WDFY2: variants seen among roughly 807,000 people sequenced by gnomAD.
The protein encoded by WDFY2 is WD repeat and FYVE domain containing 2.
In WDFY2, 36 loss-of-function variants were observed where a neutral mutation model predicts 56.4. That is an observed-to-expected ratio of 0.64 (90% CI 0.49 to 0.84). The LOEUF (loss-of-function observed/expected upper bound fraction) is 0.84. Among genes scored for constraint, WDFY2 ranks in the 40% least tolerant of loss-of-function variants. The pLI, the probability that WDFY2 is intolerant of heterozygous loss-of-function variation, is 0.00. For synonymous variants in WDFY2, 176 were observed against 183.7 expected (o/e 0.96, Z 0.34); for missense variants, 444 against 512.2 (o/e 0.87, Z 1.29).
At chr13:51,724,231 C>CTTT (rs529903671) in intron 5 of WDFY2, among the ~76,000 whole-genome samples, 205 of 107,984 alleles carry the variant, frequency 1.9e-3, no homozygotes, top group Non-Finnish European at 2.5e-3. Context: ...TCTTTTTTAA[C>CTTT]TTTTTTTTTT....
intron 6 of WDFY2, 55 bp downstream of exon 6, chr13:51,727,845 C>T (rs545262673): frequency 6.7e-6 from 10 of 1,503,152 alleles, no homozygotes; most frequent in Non-Finnish European, 9.2e-6. Flanking sequence ...ATATCGCCTG[C>T]TGCATCTCCT....
intron 5 of WDFY2, among the ~76,000 whole-genome samples, chr13:51,720,569 C>T (rs1447518680): frequency 6.6e-6 from 1 of 152,212 alleles, no homozygotes; most frequent in Non-Finnish European, 1.5e-5. Context: ...AGTGTTAGAG[C>T]TGGAAGCACT....
chr13:51,628,476 G>C (rs767529956), intron 1 of WDFY2, among the ~76,000 whole-genome samples: 2 of 152,210 alleles, frequency 1.3e-5, no homozygotes, highest in African/African-American at 4.8e-5. Context: ...AGGGATGCTC[G>C]TGTCTGGAGC....
intron 1 of WDFY2, among the ~76,000 whole-genome samples, chr13:51,624,873 G>GGA (rs1954811245): frequency 1.3e-5 from 2 of 152,346 alleles, no homozygotes; most frequent in South Asian, 4.1e-4. Flanking sequence ...TTTTCAGCAG[G>GGA]CCAGTGTGTC....
chr13:51,680,201 A>C (rs1187736988), intron 3 of WDFY2, among the ~76,000 whole-genome samples: 1 of 152,204 alleles, frequency 6.6e-6, no homozygotes, highest in East Asian at 1.9e-4. Flanking sequence ...ACCTGGGCTC[A>C]AGTGATCCGC....
At chr13:51,609,552 A>G (rs187473653) in intron 1 of WDFY2, among the ~76,000 whole-genome samples, 8 of 151,936 alleles carry the variant, frequency 5.3e-5, no homozygotes, top group Non-Finnish European at 8.8e-5. Flanking sequence ...CCTGTATTTA[A>G]GGCATCAAAA....
intron 8 of WDFY2, 91 bp from the exon 9 acceptor site, chr13:51,755,267 C>A (rs1278023920): frequency 2.5e-6 from 3 of 1,207,642 alleles, no homozygotes; most frequent in Non-Finnish European, 3.6e-6. Flanking sequence ...TTAAACACAT[C>A]CTGATAGCTC....
intron 2 of WDFY2, among the ~76,000 whole-genome samples, chr13:51,670,822 T>C (rs1178645574): frequency 6.6e-6 from 1 of 152,134 alleles, no homozygotes; most frequent in African/African-American, 2.4e-5. Context: ...TTCATGCCCC[T>C]ATCACCCGAC....
chr13:51,756,536 A>G, intron 10 of WDFY2, 74 bp downstream of exon 10: 1 of 1,521,738 alleles, frequency 6.6e-7, no homozygotes, highest in Non-Finnish European at 8.8e-7. Flanking sequence ...TCAGCGCCGC[A>G]ACCATCACTC....
At chr13:51,740,889 A>G (rs565707235) in intron 7 of WDFY2, among the ~76,000 whole-genome samples, 1 of 152,292 alleles carries the variant, frequency 6.6e-6, no homozygotes, top group African/African-American at 2.4e-5. Flanking sequence ...TTTTATTTGT[A>G]CGCAGTGGTT....
At chr13:51,658,058 GA>G (rs1955542887) in intron 1 of WDFY2, among the ~76,000 whole-genome samples, 1 of 152,008 alleles carries the variant, frequency 6.6e-6, no homozygotes, top group African/African-American at 2.4e-5. Context: ...TTTTTGTTAA[GA>G]ACTGGACGTT....
Position 51,759,850 on chromosome 13 carries a change from C to A in WDFY2, c.*81C>A. The A allele has an allele frequency of 6.9e-7, 1 of 1,444,844 alleles. No individual in the cohort carries two copies. Among genetic ancestry groups the A allele is most frequent in the Non-Finnish European group, 9.7e-7 (1 of 1,034,340 alleles). The allele number at this position is 1,444,844 out of a possible 1,614,324, so 89.5% of individuals were successfully genotyped here. On this transcript the variant is annotated 3_prime_UTR_variant, in exon 12 of 12. Transcript: ENST00000298125. ...CCAAATCATTACCAGAGTGGTAAAG[C>A]AGACATGTGAGAAGTAAGAAAGAAA...
At chr13:51,643,397 T>C (rs1056616626) in intron 1 of WDFY2, among the ~76,000 whole-genome samples, 1 of 152,222 alleles carries the variant, frequency 6.6e-6, no homozygotes, top group Non-Finnish European at 1.5e-5. Context: ...TGAGCATTTT[T>C]CACATGCCTG....
chr13:51,602,256 G>C (rs951597134), intron 1 of WDFY2, among the ~76,000 whole-genome samples: 8 of 152,168 alleles, frequency 5.3e-5, no homozygotes, highest in Non-Finnish European at 1.0e-4. Flanking sequence ...TGACATTGTA[G>C]CCATCTTAAC....
At chr13:51,601,510 G>T (rs561992631) in intron 1 of WDFY2, among the ~76,000 whole-genome samples, 2 of 152,010 alleles carry the variant, frequency 1.3e-5, no homozygotes, top group Admixed American at 6.6e-5. Context: ...TGCCTCCGGG[G>T]TTCAAGCGAT....
At chr13:51,596,064 T>G (rs1954137447) in intron 1 of WDFY2, among the ~76,000 whole-genome samples, 1 of 152,250 alleles carries the variant, frequency 6.6e-6, no homozygotes, top group South Asian at 2.1e-4. Flanking sequence ...TTTACATGCC[T>G]TGCTGTTAGA....
chr13:51,682,277 A>C (rs1356748721), intron 3 of WDFY2, among the ~76,000 whole-genome samples: 1 of 152,176 alleles, frequency 6.6e-6, no homozygotes, highest in Non-Finnish European at 1.5e-5. Context: ...ATTATGTTCC[A>C]AGTTACTTTC....
chr13:51,625,020 A>C (rs756401970), intron 1 of WDFY2, among the ~76,000 whole-genome samples: 1 of 152,254 alleles, frequency 6.6e-6, no homozygotes, highest in Non-Finnish European at 1.5e-5. Context: ...AGTTTTGAGC[A>C]GATCAAGATT....
chr13:51,675,363 T>C, intron 3 of WDFY2, 120 bp downstream of exon 3: 1 of 871,552 alleles, frequency 1.1e-6, no homozygotes, highest in Middle Eastern at 3.2e-4. Context: ...GAATGAAAAT[T>C]GCAGCGTAGC....
Sources: gnomAD v4.1 joint callset for allele counts (sites outside exome capture counted in the v4.1 genomes callset) on GRCh38, gnomAD v4.1.1 for gene constraint, MANE v1.5 for transcripts, NCBI Gene and HGNC (gene_info 2026-07-23, HGNC 2026-07-21) for gene names.